Variants in CDADC1 observed in about 807,000 individuals in gnomAD.
CDADC1 encodes the protein cytidine and dCMP deaminase domain containing 1, also known as dCTP deaminase.
In CDADC1, 39 loss-of-function variants were observed where a neutral mutation model predicts 54.9. The observed-to-expected ratio is 0.71, with a 90% confidence interval of 0.55 to 0.93. The LOEUF (loss-of-function observed/expected upper bound fraction) is 0.93. Ranked by LOEUF, CDADC1 falls within the 40% of genes least tolerant of loss-of-function variation. The probability of loss-of-function intolerance (pLI) is 0.00; values close to 1 mark genes in which losing one functional copy is unlikely to be tolerated. For synonymous variants in CDADC1, 186 were observed against 204.0 expected (o/e 0.91, Z 0.75); for missense variants, 518 against 618.8 (o/e 0.84, Z 1.73).
chr13:49,271,404 C>T lies in CDADC1; in HGVS notation c.1001-2887C>T, dbSNP rs74447192. 3.7e-3 allele frequency among the ~76,000 whole-genome samples: 560 copies of T among 152,240 alleles called. 1 individual carries two copies. The highest frequency in any genetic ancestry group is 0.024 in the Middle Eastern group (7 of 294). On this transcript the variant is annotated intron_variant, in intron 5 of 9. Transcript: ENST00000251108. ...TTCCAAAGCTAAGGATTATGCCTTC[C>T]TCCTGGGCCACAGTACTGATAATGA...
At chr13:49,251,218 G>A (rs1472245978) in intron 2 of CDADC1, among the ~76,000 whole-genome samples, 1 of 151,934 alleles carries the variant, frequency 6.6e-6, no homozygotes, top group Non-Finnish European at 1.5e-5. Flanking sequence ...GACCATCTTG[G>A]CCAACATGGT....
intron 8 of CDADC1, 64 bp downstream of exon 8, chr13:49,280,762 T>C: frequency 1.3e-6 from 1 of 776,222 alleles, no homozygotes; most frequent in East Asian, 3.2e-5. Context: ...CCTGCTGCAA[T>C]ATTGTAAGTT....
rs1219279297 is a variant in CDADC1, at chr13:49,292,582, C to G, written c.*825C>G. The G allele has an allele frequency of 8.6e-7, 1 of 1,157,598 alleles. No individual in the cohort carries two copies. Among genetic ancestry groups the G allele is most frequent in the Non-Finnish European group, 1.1e-6 (1 of 928,162 alleles). The allele number at this position is 1,157,598 out of a possible 1,614,324, so 71.7% of individuals were successfully genotyped here. A position where few individuals can be genotyped will look rare whatever the true frequency, so the allele number is the denominator to read the frequency against. ...CTTCTGTATAATTAACATAGGTTGTCTCATGGCTTTGATCTTCAAAAGGAA... is the reference window on the plus strand; with the variant it reads ...CTTCTGTATAATTAACATAGGTTGTGTCATGGCTTTGATCTTCAAAAGGAA... On this transcript the variant is annotated 3_prime_UTR_variant, in exon 10 of 10. Coordinates refer to ENST00000251108, the MANE Select transcript of CDADC1 (RefSeq NM_030911.4).
At chr13:49,281,481 A>T (rs1310335584) in intron 8 of CDADC1, among the ~76,000 whole-genome samples, 2 of 152,218 alleles carry the variant, frequency 1.3e-5, no homozygotes, top group East Asian at 3.9e-4. Context: ...ATAGATTCTC[A>T]TAAGGAGCAC....
intron 8 of CDADC1, 138 bp downstream of exon 8, chr13:49,280,836 T>TTATTATTA (rs1953305655): frequency 8.0e-6 from 1 of 125,292 alleles, no homozygotes; most frequent in Non-Finnish European, 1.3e-5. Flanking sequence ...TATTATTATT[T>TTATTATTA]TATTATTATT....
At chr13:49,263,210 A>G (rs960827850) in intron 4 of CDADC1, among the ~76,000 whole-genome samples, 1 of 152,246 alleles carries the variant, frequency 6.6e-6, no homozygotes, top group Non-Finnish European at 1.5e-5. Flanking sequence ...TGTCACTTTC[A>G]GATAAACAAC....
intron 2 of CDADC1, among the ~76,000 whole-genome samples, chr13:49,250,188 T>A (rs1952392937): frequency 6.6e-6 from 1 of 152,222 alleles, no homozygotes; most frequent in South Asian, 2.1e-4. Flanking sequence ...AACTTGCCCA[T>A]AATTCTGCTG....
At chr13:49,271,790 G>A (rs1952970673) in intron 5 of CDADC1, among the ~76,000 whole-genome samples, 1 of 152,120 alleles carries the variant, frequency 6.6e-6, no homozygotes, top group Non-Finnish European at 1.5e-5. Flanking sequence ...TTGACTCAAT[G>A]ATTGTAAGTT....
chr13:49,272,629 T>C (rs1437974412), intron 5 of CDADC1, among the ~76,000 whole-genome samples: 1 of 151,808 alleles, frequency 6.6e-6, no homozygotes, highest in Non-Finnish European at 1.5e-5. Flanking sequence ...ATTCAATAAA[T>C]GGAAATTTTT....
In CDADC1 at chr13:49,271,048, A is replaced by C. The variant is rs190188291; in HGVS notation, c.1000+2989A>C. On this transcript the variant is annotated intron_variant, in intron 5 of 9. Transcript: ENST00000251108. The stretch of plus-strand genomic sequence containing the variant: ...AAACCTCTAACAACAGAGTTCTAAA[A>C]TGAATTGAAAGTAGTTGCTTATAAT... Among the ~76,000 whole-genome samples, 16 of 152,336 alleles carry C rather than the reference A, an allele frequency of 1.1e-4. No individual in the cohort carries two copies. The East Asian group carries it at 2.9e-3, about 28-fold the overall frequency.
At chr13:49,282,447 C>A (rs1310290309) in intron 8 of CDADC1, among the ~76,000 whole-genome samples, 4 of 152,066 alleles carry the variant, frequency 2.6e-5, no homozygotes, top group Non-Finnish European at 5.9e-5. Flanking sequence ...TTGGAAAAAA[C>A]CTTAAGCATA....
At chr13:49,284,754 A>T (rs993317976) in intron 8 of CDADC1, among the ~76,000 whole-genome samples, 1 of 152,168 alleles carries the variant, frequency 6.6e-6, no homozygotes, top group South Asian at 2.1e-4. Flanking sequence ...TTTGTCCTGT[A>T]TCTCATCCCC....
chr13:49,276,539 T>C (rs1566370800), intron 6 of CDADC1, among the ~76,000 whole-genome samples: 1 of 152,212 alleles, frequency 6.6e-6, no homozygotes, highest in African/African-American at 2.4e-5. Context: ...TCATCCAGTA[T>C]CTTCCCTGCT....
chr13:49,292,754 G>A lies in CDADC1; in HGVS notation c.*997G>A. Reference sequence around the variant, plus strand: ...TTCAGAAAATTATTCCAAAAATGAAGGTACATTTTCTGTTCTCTCCTAGGT... The same window carrying A: ...TTCAGAAAATTATTCCAAAAATGAAAGTACATTTTCTGTTCTCTCCTAGGT... On this transcript the variant is annotated 3_prime_UTR_variant, in exon 10 of 10. Coordinates refer to ENST00000251108, the MANE Select transcript of CDADC1 (RefSeq NM_030911.4). 7.9e-7 allele frequency: 1 copy of A among 1,271,616 alleles called. No individual in the cohort carries two copies. The highest frequency in any genetic ancestry group is 1.0e-6 in the Non-Finnish European group (1 of 981,792). 78.8% of individuals were successfully genotyped at this position (1,271,616 alleles called of 1,614,324 possible). A position where few individuals can be genotyped will look rare whatever the true frequency, so the allele number is the denominator to read the frequency against.
intron 2 of CDADC1, among the ~76,000 whole-genome samples, chr13:49,249,712 G>A (rs1001819976): frequency 6.6e-6 from 1 of 152,034 alleles, no homozygotes; most frequent in African/African-American, 2.4e-5. Flanking sequence ...CAGCCTGGGT[G>A]ACAGAGCAAG....
intron 5 of CDADC1, among the ~76,000 whole-genome samples, chr13:49,271,048 ATGAAT>A (rs1241991401): frequency 1.3e-5 from 2 of 152,218 alleles, no homozygotes; most frequent in African/African-American, 4.8e-5. Flanking sequence ...GAGTTCTAAA[ATGAAT>A]TGAAAGTAGT....
At chr13:49,276,518 C>T (rs563763892) in intron 6 of CDADC1, among the ~76,000 whole-genome samples, 3 of 152,302 alleles carry the variant, frequency 2.0e-5, no homozygotes, top group South Asian at 2.1e-4. Flanking sequence ...TCACAAACTC[C>T]TCAAGTTCAC....
rs1952332478 is a variant in CDADC1, at chr13:49,247,945, T to C, written c.-93T>C. 6 of 1,166,804 alleles carry C rather than the reference T, an allele frequency of 5.1e-6. No homozygotes were observed. Among genetic ancestry groups the C allele is most frequent in the East Asian group, 2.6e-5 (1 of 39,006 alleles). 72.3% of individuals were successfully genotyped at this position (1,166,804 alleles called of 1,614,324 possible). ...CGCCTAGTGGGCCGTTGCCTTACAGTTGCTGAGAGGAGGCGAGAGGCGGGG... is the reference window on the plus strand; with the variant it reads ...CGCCTAGTGGGCCGTTGCCTTACAGCTGCTGAGAGGAGGCGAGAGGCGGGG... On this transcript the variant is annotated 5_prime_UTR_variant, in exon 1 of 10. Coordinates refer to ENST00000251108, the MANE Select transcript of CDADC1 (RefSeq NM_030911.4).
At chr13:49,274,604 G>A (rs961467190) in intron 6 of CDADC1, among the ~76,000 whole-genome samples, 3 of 151,972 alleles carry the variant, frequency 2.0e-5, no homozygotes, top group Admixed American at 6.6e-5. Context: ...CCGGGAGGCC[G>A]AGCTTGCTGT....
Sources: gnomAD v4.1 joint callset for allele counts (sites outside exome capture counted in the v4.1 genomes callset) on GRCh38, gnomAD v4.1.1 for gene constraint, MANE v1.5 for transcripts, NCBI Gene and HGNC (gene_info 2026-07-23, HGNC 2026-07-21) for gene names.